Variants in SLC35F1 observed in about 807,000 individuals in gnomAD.
The protein encoded by SLC35F1 is solute carrier family 35 member F1.
In SLC35F1, 14 loss-of-function variants were observed where a neutral mutation model predicts 48.7. That is an observed-to-expected ratio of 0.29 (90% CI 0.19 to 0.45). The LOEUF (loss-of-function observed/expected upper bound fraction) is 0.45. Ranked by LOEUF, SLC35F1 falls within the 20% of genes least tolerant of loss-of-function variation. SLC35F1 has a pLI of 1.00. For synonymous variants in SLC35F1, 190 were observed against 202.2 expected, an observed-to-expected ratio of 0.94 and a Z score of 0.51; for missense variants, 404 against 500.0, an observed-to-expected ratio of 0.81 and a Z score of 1.83.
chr6:118,268,601 T>TATATATATATATA (rs59597751), intron 4 of SLC35F1, among the ~76,000 whole-genome samples: 28 of 45,542 alleles, frequency 6.1e-4, no homozygotes, highest in South Asian at 1.9e-3. Flanking sequence ...TATATATATA[T>TATATATATATATA]TTTTTTTTTT....
intron 2 of SLC35F1, among the ~76,000 whole-genome samples, chr6:118,167,528 G>C (rs377201782): frequency 6.6e-6 from 1 of 152,062 alleles, no homozygotes; most frequent in Non-Finnish European, 1.5e-5. Context: ...ACACAATAAT[G>C]AGTATATATT....
chr6:117,918,474 A>G (rs1244011931), intron 1 of SLC35F1, among the ~76,000 whole-genome samples: 1 of 152,182 alleles, frequency 6.6e-6, no homozygotes, highest in African/African-American at 2.4e-5. Flanking sequence ...GGTGGGAATC[A>G]TAGGCAGTTC....
chr6:118,189,697 A>C (rs906944923), intron 2 of SLC35F1, among the ~76,000 whole-genome samples: 7 of 152,236 alleles, frequency 4.6e-5, no homozygotes, highest in African/African-American at 1.7e-4. Context: ...ATTAAATTTA[A>C]AGGAGTTTAA....
chr6:118,240,672 A>G (rs1775427035), intron 3 of SLC35F1, among the ~76,000 whole-genome samples: 2 of 152,224 alleles, frequency 1.3e-5, no homozygotes. Flanking sequence ...CGTTTGTCAA[A>G]GCAATCTAAC....
At chr6:117,996,484 G>A (rs2114862311) in intron 1 of SLC35F1, among the ~76,000 whole-genome samples, 1 of 152,294 alleles carries the variant, frequency 6.6e-6, no homozygotes, top group South Asian at 2.1e-4. Flanking sequence ...CTCCTCAAGT[G>A]GGTCCCTGAC....
chr6:117,959,500 G>A (rs370820107), intron 1 of SLC35F1, among the ~76,000 whole-genome samples: 72 of 152,248 alleles, frequency 4.7e-4, no homozygotes, highest in African/African-American at 1.7e-3. Context: ...AATGCTCAGC[G>A]TGTCATATCT....
intron 1 of SLC35F1, among the ~76,000 whole-genome samples, chr6:118,038,036 T>TA (rs915376919): frequency 1.3e-4 from 19 of 151,732 alleles, no homozygotes; most frequent in Non-Finnish European, 1.9e-4. Context: ...TAAAGTAAAA[T>TA]AAAAAAAATA....
In SLC35F1 at chr6:118,284,535, G is replaced by A. The variant is rs903397616; in HGVS notation, c.848-649G>A. Among the ~76,000 whole-genome samples, 15 of 152,292 alleles carry A rather than the reference G, an allele frequency of 9.8e-5. 1 individual carries two copies. The South Asian group carries it at 1.7e-3, about 17-fold the overall frequency. ...AGGTCATGAAAGCCCACATGTGAGA[G>A]TTCACAGTATGCCAGGACATGTGAT... On this transcript the variant is annotated intron_variant, in intron 6 of 7. Transcript: ENST00000360388.
intron 5 of SLC35F1, among the ~76,000 whole-genome samples, chr6:118,276,198 G>T (rs1347665876): frequency 6.6e-6 from 1 of 152,100 alleles, no homozygotes; most frequent in Non-Finnish European, 1.5e-5. Flanking sequence ...TCTACAACTG[G>T]AACGTATAAG....
rs1772820226 is a variant in SLC35F1 at position 118,076,503 on chromosome 6, C to T, written c.174-77942C>T. On this transcript the variant is annotated intron_variant, in intron 1 of 7. Coordinates refer to ENST00000360388, the MANE Select transcript of SLC35F1 (RefSeq NM_001029858.4). Reference sequence around the variant, plus strand: ...TGGCAGAAGGCAAAGAGGAAGCAAGCACATCTTCACATGGTGACGAGAGAG... The same window carrying T: ...TGGCAGAAGGCAAAGAGGAAGCAAGTACATCTTCACATGGTGACGAGAGAG... Among the ~76,000 whole-genome samples the T allele has an allele frequency of 2.0e-5, 3 of 152,252 alleles. No individual in the cohort carries two copies. In the South Asian group the frequency reaches 6.2e-4, roughly 32 times the overall value.
intron 1 of SLC35F1, among the ~76,000 whole-genome samples, chr6:117,998,727 T>G (rs923112342): frequency 1.3e-5 from 2 of 152,046 alleles, no homozygotes; most frequent in African/African-American, 4.8e-5. Context: ...TTGAAACCAA[T>G]GAGAACAAAG....
At chr6:118,080,806 A>T (rs181776366) in intron 1 of SLC35F1, among the ~76,000 whole-genome samples, 21 of 152,328 alleles carry the variant, frequency 1.4e-4, no homozygotes, top group African/African-American at 5.1e-4. Flanking sequence ...CCTGTGCAGC[A>T]TTTCCAATGT....
chr6:118,025,481 C>G (rs143576545), intron 1 of SLC35F1, among the ~76,000 whole-genome samples: 2 of 152,124 alleles, frequency 1.3e-5, no homozygotes, highest in African/African-American at 4.8e-5. Context: ...AAGTTATTCC[C>G]CTGTGGTTTC....
At chr6:118,064,922 C>G (rs937340439) in intron 1 of SLC35F1, among the ~76,000 whole-genome samples, 1 of 152,170 alleles carries the variant, frequency 6.6e-6, no homozygotes, top group East Asian at 1.9e-4. Context: ...ACACAGGAAA[C>G]CAATGCAAGG....
chr6:118,270,507 G>C (rs771309099), intron 4 of SLC35F1, among the ~76,000 whole-genome samples: 16 of 152,112 alleles, frequency 1.1e-4, no homozygotes, highest in African/African-American at 3.9e-4. Flanking sequence ...GGAAGGATGC[G>C]AACAGCACTT....
chr6:118,146,200 T>G (rs1773971008), intron 1 of SLC35F1, among the ~76,000 whole-genome samples: 1 of 152,160 alleles, frequency 6.6e-6, no homozygotes, highest in African/African-American at 2.4e-5. Context: ...GAAACTCTTT[T>G]TTTAGCCATA....
chr6:118,148,982 A>C (rs1774016313), intron 1 of SLC35F1, among the ~76,000 whole-genome samples: 1 of 152,316 alleles, frequency 6.6e-6, no homozygotes, highest in East Asian at 1.9e-4. Flanking sequence ...ATTTTCATTT[A>C]CAGATATTTG....
At chr6:118,053,411 G>A (rs950888399) in intron 1 of SLC35F1, among the ~76,000 whole-genome samples, 5 of 151,748 alleles carry the variant, frequency 3.3e-5, no homozygotes, top group African/African-American at 4.8e-5. Flanking sequence ...TCAAATATCC[G>A]TGGAGGAAAA....
chr6:118,087,782 G>A (rs1773013512), intron 1 of SLC35F1, among the ~76,000 whole-genome samples: 1 of 152,100 alleles, frequency 6.6e-6, no homozygotes, highest in South Asian at 2.1e-4. Flanking sequence ...GTCTATATAA[G>A]AACATTTACG....
Sources: gnomAD v4.1 joint callset for allele counts (sites outside exome capture counted in the v4.1 genomes callset) on GRCh38, gnomAD v4.1.1 for gene constraint, MANE v1.5 for transcripts, NCBI Gene and HGNC (gene_info 2026-07-23, HGNC 2026-07-21) for gene names.